The following SGCD variants were observed in gnomAD, a reference collection of about 807,000 sequenced individuals.
The protein encoded by SGCD is delta-sarcoglycan.
In SGCD, 18 loss-of-function variants were observed where a neutral mutation model predicts 36.6. The observed-to-expected ratio is 0.49, with a 90% CI of 0.34 to 0.73. The LOEUF (loss-of-function observed/expected upper bound fraction) is 0.73. Among genes scored for constraint, SGCD ranks in the 30% least tolerant of loss-of-function variants. The pLI is 0.01. For missense variants in SGCD, 387 were observed against 346.7 expected (o/e 1.12, Z -0.92); for synonymous variants, 133 against 130.6 (o/e 1.02, Z -0.12).
At chr5:156,198,571 C>T (rs1764074505) in intron 3 of SGCD, among the ~76,000 whole-genome samples, 1 of 152,158 alleles carries the variant, frequency 6.6e-6, no homozygotes, top group African/African-American at 2.4e-5. Flanking sequence ...TCAACATCCT[C>T]ACTCTTTGCC....
intron 1 of SGCD, among the ~76,000 whole-genome samples, chr5:156,092,910 C>T (rs1032935395): frequency 3.3e-4 from 50 of 152,326 alleles, no homozygotes; most frequent in African/African-American, 1.2e-3. Flanking sequence ...CCATTTGGTG[C>T]TTTGTGCTTC....
chr5:155,739,049 C>T, the SGCD span, among the ~76,000 whole-genome samples: 1 of 152,066 alleles, frequency 6.6e-6, no homozygotes, highest in East Asian at 1.9e-4. Flanking sequence ...TGCATGTTTT[C>T]AAGAATTCAG....
Position 155,924,975 on chromosome 5 carries a change from G to C in SGCD, c.-282+54551G>C, listed in dbSNP as rs994935061. ...TTGGCAAGGATTTAATGAATCCGGGGGTAGAATTGTGCTAATCCATGACCG... is the reference window on the plus strand; with the variant it reads ...TTGGCAAGGATTTAATGAATCCGGGCGTAGAATTGTGCTAATCCATGACCG... On this transcript the variant is annotated intron_variant, in intron 1 of 9. Coordinates refer to the SGCD transcript ENST00000517913. Among the ~76,000 whole-genome samples the C allele has an allele frequency of 9.9e-5, 15 of 152,156 alleles. No individual in the cohort carries two copies. In the South Asian group the frequency reaches 1.7e-3, roughly 17 times the overall value.
intron 6 of SGCD, among the ~76,000 whole-genome samples, chr5:156,637,199 T>A (rs1762860570): frequency 6.6e-6 from 1 of 152,138 alleles, no homozygotes; most frequent in Non-Finnish European, 1.5e-5. Context: ...TGCCACCATG[T>A]GAAGAAGGAC....
intron 3 of SGCD, among the ~76,000 whole-genome samples, chr5:156,441,963 T>A (rs1484448370): frequency 6.6e-6 from 1 of 152,136 alleles, no homozygotes; most frequent in Non-Finnish European, 1.5e-5. Context: ...AACTGTGAAG[T>A]TAACTCCTTA....
chr5:156,283,857 C>A (rs1766523741), intron 3 of SGCD, among the ~76,000 whole-genome samples: 1 of 152,150 alleles, frequency 6.6e-6, no homozygotes, highest in Non-Finnish European at 1.5e-5. Context: ...TGCTGAATAT[C>A]TGTTTGACGC....
At chr5:156,706,380 G>T (rs868397252) in intron 7 of SGCD, among the ~76,000 whole-genome samples, 1 of 152,136 alleles carries the variant, frequency 6.6e-6, no homozygotes, top group Non-Finnish European at 1.5e-5. Flanking sequence ...CACAATGCTT[G>T]TATTTCCCCT....
At chr5:156,236,451 C>CTTT (rs34510001) in intron 3 of SGCD, among the ~76,000 whole-genome samples, 1 of 142,180 alleles carries the variant, frequency 7.0e-6, no homozygotes, top group Admixed American at 7.1e-5. Flanking sequence ...AATTCGTATA[C>CTTT]TTTTTTTTTT....
At chr5:156,628,439 A>G (rs915190934) in intron 6 of SGCD, among the ~76,000 whole-genome samples, 3 of 152,210 alleles carry the variant, frequency 2.0e-5, no homozygotes, top group African/African-American at 7.2e-5. Context: ...TAACCCATTG[A>G]AAACTTCTTA....
intron 1 of SGCD, among the ~76,000 whole-genome samples, chr5:155,903,571 G>A (rs1756435900): frequency 6.6e-6 from 1 of 152,052 alleles, no homozygotes; most frequent in African/African-American, 2.4e-5. Context: ...TTCCCACATG[G>A]GGGACAATGA....
intron 7 of SGCD, among the ~76,000 whole-genome samples, chr5:156,723,419 T>C (rs1446687906): frequency 2.0e-5 from 3 of 152,206 alleles, no homozygotes; most frequent in Admixed American, 2.0e-4. Context: ...GCCAGCATCA[T>C]CCTACCAATG....
chr5:156,569,480 T>A (rs1759630962), intron 4 of SGCD, among the ~76,000 whole-genome samples: 1 of 151,944 alleles, frequency 6.6e-6, no homozygotes, highest in Non-Finnish European at 1.5e-5. Flanking sequence ...TATTCCCAAC[T>A]ACTCAGGAGA....
At chr5:156,501,450 C>T (rs561262456) in intron 3 of SGCD, among the ~76,000 whole-genome samples, 7 of 152,250 alleles carry the variant, frequency 4.6e-5, no homozygotes, top group South Asian at 2.1e-4. Context: ...CAGTCTATTG[C>T]GCTGCTACTC....
chr5:156,579,345 T>A (rs1393908214), intron 4 of SGCD, among the ~76,000 whole-genome samples: 1 of 152,200 alleles, frequency 6.6e-6, no homozygotes, highest in African/African-American at 2.4e-5. Flanking sequence ...TGTGGTCAAT[T>A]TTGGAAGAAG....
intron 6 of SGCD, among the ~76,000 whole-genome samples, chr5:156,626,180 G>T (rs190054794): frequency 6.6e-6 from 1 of 152,176 alleles, no homozygotes; most frequent in African/African-American, 2.4e-5. Flanking sequence ...GAAGCCGTGG[G>T]CTAGAGGAAA....
At chr5:156,676,206 G>A (rs904687708) in intron 7 of SGCD, among the ~76,000 whole-genome samples, 1 of 152,114 alleles carries the variant, frequency 6.6e-6, no homozygotes, top group Non-Finnish European at 1.5e-5. Context: ...TACCCTGAAA[G>A]CCAATTGAGT....
At chr5:155,742,719 T>C in the SGCD span, among the ~76,000 whole-genome samples, 1 of 152,204 alleles carries the variant, frequency 6.6e-6, no homozygotes, top group East Asian at 1.9e-4. Context: ...CAGTTCTCAC[T>C]ATTTACCTGG....
chr5:156,116,087 A>G (rs2127600967), intron 1 of SGCD, among the ~76,000 whole-genome samples: 1 of 152,168 alleles, frequency 6.6e-6, no homozygotes, highest in East Asian at 1.9e-4. Context: ...ATTTTTGGTG[A>G]AAAACTTCTA....
intron 3 of SGCD, among the ~76,000 whole-genome samples, chr5:156,407,941 G>T (rs1772512926): frequency 6.6e-6 from 1 of 152,160 alleles, no homozygotes; most frequent in South Asian, 2.1e-4. Context: ...AACATATGTG[G>T]AGGAGGAAGA....
Sources: gnomAD v4.1 joint callset for allele counts (sites outside exome capture counted in the v4.1 genomes callset) on GRCh38, gnomAD v4.1.1 for gene constraint, MANE v1.5 for transcripts, NCBI Gene and HGNC (gene_info 2026-07-23, HGNC 2026-07-21) for gene names.